SLC24A2: variants seen among roughly 807,000 people sequenced by gnomAD.
SLC24A2 encodes sodium/potassium/calcium exchanger 2.
A neutral mutation model predicts 62.0 loss-of-function variants in SLC24A2; 36 were observed. The ratio of observed to expected loss-of-function variants is 0.58; its 90% CI spans 0.44 to 0.77. The LOEUF (loss-of-function observed/expected upper bound fraction) is 0.77. SLC24A2 is among the 30% of genes least tolerant of loss of function. SLC24A2 has a pLI of 0.00. For synonymous variants in SLC24A2, 358 were observed against 294.0 expected, an observed-to-expected ratio of 1.22 and a Z score of -2.23; for missense variants, 846 against 817.9, an observed-to-expected ratio of 1.03 and a Z score of -0.42.
chr9:19,763,479 G>A (rs1455296714), intron 2 of SLC24A2, among the ~76,000 whole-genome samples: 1 of 152,182 alleles, frequency 6.6e-6, no homozygotes, highest in Non-Finnish European at 1.5e-5. Flanking sequence ...TTATTATTTT[G>A]AGATATGTTC....
chr9:19,817,562 G>A, the SLC24A2 span, among the ~76,000 whole-genome samples: 1 of 151,628 alleles, frequency 6.6e-6, no homozygotes, highest in South Asian at 2.1e-4. Flanking sequence ...ATGGCCATAT[G>A]AAGTATTAGA....
chr9:19,636,281 C>CTCTTGTT (rs1554690322), intron 2 of SLC24A2, among the ~76,000 whole-genome samples: 5 of 74,092 alleles, frequency 6.7e-5, no homozygotes, highest in Admixed American at 1.5e-4. Context: ...TTCTTCTCTT[C>CTCTTGTT]TTCTCTTCTT....
the SLC24A2 span, among the ~76,000 whole-genome samples, chr9:20,091,652 G>A: frequency 6.6e-6 from 1 of 152,144 alleles, no homozygotes; most frequent in Admixed American, 6.5e-5. Flanking sequence ...ATAAGGATAA[G>A]CAAATGTTGA....
the SLC24A2 span, among the ~76,000 whole-genome samples, chr9:19,803,099 AT>A: frequency 1.3e-5 from 2 of 152,182 alleles, no homozygotes; most frequent in Non-Finnish European, 2.9e-5. Flanking sequence ...AAAAATTTCT[AT>A]TCTTTATAAG....
At chr9:20,187,917 G>A in the SLC24A2 span, among the ~76,000 whole-genome samples, 9 of 152,248 alleles carry the variant, frequency 5.9e-5, no homozygotes, top group East Asian at 1.9e-4. Context: ...TGATTCCTCC[G>A]CTCATGAAAA....
At chr9:20,055,188 GAATGA>G in the SLC24A2 span, among the ~76,000 whole-genome samples, 1 of 152,072 alleles carries the variant, frequency 6.6e-6, no homozygotes, top group Non-Finnish European at 1.5e-5. Flanking sequence ...TACCATCCCA[GAATGA>G]ACCAGTTAAA....
chr9:19,720,646 T>A (rs1820995595), intron 2 of SLC24A2, among the ~76,000 whole-genome samples: 1 of 151,014 alleles, frequency 6.6e-6, no homozygotes, highest in African/African-American at 2.4e-5. Context: ...GGTATGGAAA[T>A]ACTTTACACT....
rs181230311 is a variant in SLC24A2, at chr9:19,737,970, C to G, written c.930+47967G>C. ...TAAGAATAACATAAATTGTTTCATA[C>G]TGCAAAATATTGCTCAGATGGCATA... On this transcript the variant is annotated intron_variant, in intron 2 of 10. Coordinates refer to ENST00000341998, the MANE Select transcript of SLC24A2 (RefSeq NM_020344.4). 2.6e-5 allele frequency among the ~76,000 whole-genome samples: 4 copies of G among 152,246 alleles called. No individual in the cohort carries two copies. In the East Asian group the frequency reaches 7.7e-4, roughly 29 times the overall value.
the SLC24A2 span, among the ~76,000 whole-genome samples, chr9:20,096,721 T>C: frequency 6.6e-6 from 1 of 150,822 alleles, no homozygotes; most frequent in African/African-American, 2.4e-5. Context: ...CATTGGAGTT[T>C]TATTTCTTTG....
At chr9:20,224,920 C>T in the SLC24A2 span, among the ~76,000 whole-genome samples, 2 of 152,088 alleles carry the variant, frequency 1.3e-5, no homozygotes. Context: ...TGGGAGCTTG[C>T]ACTCTTCTCT....
the SLC24A2 span, among the ~76,000 whole-genome samples, chr9:20,216,304 G>T: frequency 1.1e-4 from 17 of 152,192 alleles, no homozygotes; most frequent in African/African-American, 3.9e-4. Flanking sequence ...ACTTAATTTT[G>T]GTTTATTTCT....
intron 8 of SLC24A2, among the ~76,000 whole-genome samples, chr9:19,547,997 A>C (rs1359737514): frequency 6.6e-6 from 1 of 151,666 alleles, no homozygotes; most frequent in Non-Finnish European, 1.5e-5. Context: ...TTGAATAAAG[A>C]AACTTAAATA....
chr9:19,614,374 C>T (rs576644324), intron 4 of SLC24A2, among the ~76,000 whole-genome samples: 5 of 152,316 alleles, frequency 3.3e-5, no homozygotes, highest in African/African-American at 7.2e-5. Flanking sequence ...CACTGTTCAG[C>T]TATGTTTGAA....
the SLC24A2 span, among the ~76,000 whole-genome samples, chr9:20,105,210 T>A: frequency 6.6e-6 from 1 of 152,040 alleles, no homozygotes; most frequent in African/African-American, 2.4e-5. Flanking sequence ...AGTCCTGAGT[T>A]ACCTACAAAG....
At chr9:19,943,336 C>G in the SLC24A2 span, among the ~76,000 whole-genome samples, 4 of 152,128 alleles carry the variant, frequency 2.6e-5, no homozygotes, top group Admixed American at 2.6e-4. Context: ...CCCCTAATTA[C>G]TTTCTACCCT....
intron 2 of SLC24A2, 152 bp downstream of exon 2, chr9:19,785,785 T>C (rs1435508549): frequency 4.1e-6 from 4 of 987,540 alleles, no homozygotes; most frequent in Non-Finnish European, 6.1e-6. Context: ...TCCACTGCTA[T>C]GTTAGTCTAG....
At chr9:19,619,478 G>A (rs1564001182) in intron 4 of SLC24A2, 106 bp downstream of exon 4, 4 of 888,284 alleles carry the variant, frequency 4.5e-6, no homozygotes, top group Non-Finnish European at 7.7e-6. Context: ...AACAAGAGGA[G>A]GCTGGCAGGC....
chr9:20,203,573 G>A, the SLC24A2 span, among the ~76,000 whole-genome samples: 1 of 152,158 alleles, frequency 6.6e-6, no homozygotes, highest in Non-Finnish European at 1.5e-5. Flanking sequence ...GCCAGTTGCA[G>A]CGGCTCACAC....
chr9:20,018,881 T>C, the SLC24A2 span, among the ~76,000 whole-genome samples: 1 of 151,944 alleles, frequency 6.6e-6, no homozygotes, highest in Non-Finnish European at 1.5e-5. Context: ...CTGGGCAACA[T>C]GGCGAAACCC....
Sources: allele counts gnomAD v4.1 joint callset (sites outside exome capture counted in the v4.1 genomes callset), GRCh38; gene constraint gnomAD v4.1.1; transcripts MANE v1.5; gene names NCBI Gene and HGNC (gene_info 2026-07-23, HGNC 2026-07-21).